The following ARHGAP32 variants were observed in gnomAD, a reference collection of about 807,000 sequenced individuals.
ARHGAP32 encodes rho GTPase-activating protein 32.
A neutral mutation model predicts 186.5 loss-of-function variants in ARHGAP32; 51 were observed. The ratio of observed to expected loss-of-function variants is 0.27; its 90% CI spans 0.22 to 0.35. ARHGAP32 has a LOEUF of 0.35. ARHGAP32 is among the 10% of genes least tolerant of loss of function. The pLI is 1.00. For synonymous variants in ARHGAP32, 950 were observed against 964.3 expected (o/e 0.99, Z 0.27); for missense variants, 2,186 against 2,623.5 (o/e 0.83, Z 3.64).
chr11:129,193,396 C>T (rs1944305875), upstream of ARHGAP32, among the ~76,000 whole-genome samples: 1 of 122,142 alleles, frequency 8.2e-6, no homozygotes, highest in South Asian at 2.8e-4. Flanking sequence ...GTGGGAGGAT[C>T]GCCTGAGCCT....
chr11:129,110,985 G>C (rs947029868), intron 5 of ARHGAP32, among the ~76,000 whole-genome samples: 4 of 152,086 alleles, frequency 2.6e-5, no homozygotes, highest in Admixed American at 2.0e-4. Flanking sequence ...TGGAAAAGTT[G>C]GCATCCTTGT....
At position 129,215,298 on chromosome 11, in the gene ARHGAP32, G is replaced by A. The variant is rs147089046; in HGVS notation, c.-4-50871C>T. Among the ~76,000 whole-genome samples, 322 of 152,212 alleles carry A rather than the reference G, an allele frequency of 2.1e-3. 2 individuals carry two copies. Among genetic ancestry groups the A allele is most frequent in the African/African-American group, 7.0e-3 (290 of 41,522 alleles). ...CAGTTCCTTTCCTCATAAGGTAATT[G>A]TCAGAACTAAATGAGTTCATGTATG... is the stretch of plus-strand genomic sequence containing the variant. On this transcript the variant is annotated intron_variant, in intron 1 of 6. Coordinates refer to the ARHGAP32 transcript ENST00000525234.
chr11:129,243,572 T>C (rs1172904773), intron 1 of ARHGAP32, among the ~76,000 whole-genome samples: 2 of 152,158 alleles, frequency 1.3e-5, no homozygotes, highest in South Asian at 2.1e-4. Flanking sequence ...ATAGTTCTCA[T>C]CAAGTCACAA....
At chr11:128,997,600 A>G (rs1398090895) in intron 12 of ARHGAP32, among the ~76,000 whole-genome samples, 1 of 152,160 alleles carries the variant, frequency 6.6e-6, no homozygotes, top group Non-Finnish European at 1.5e-5. Context: ...CTATTTTTAA[A>G]TATAAAAGGA....
chr11:129,252,761 G>C (rs1425147545), intron 1 of ARHGAP32, among the ~76,000 whole-genome samples: 1 of 152,176 alleles, frequency 6.6e-6, no homozygotes, highest in African/African-American at 2.4e-5. Context: ...GTCTCGGGGA[G>C]GCTACCTCCT....
At chr11:129,139,601 G>C (rs908702631) in intron 2 of ARHGAP32, among the ~76,000 whole-genome samples, 2 of 151,908 alleles carry the variant, frequency 1.3e-5, no homozygotes, top group Non-Finnish European at 2.9e-5. Flanking sequence ...TGCTGTTCTC[G>C]TTATAATGAG....
intron 11 of ARHGAP32, among the ~76,000 whole-genome samples, chr11:129,007,988 C>T (rs567394835): frequency 6.6e-6 from 1 of 152,258 alleles, no homozygotes; most frequent in African/African-American, 2.4e-5. Context: ...TTGCTTTCCA[C>T]TGTGACAGGG....
chr11:129,018,955 T>C (rs1170808434), intron 11 of ARHGAP32, among the ~76,000 whole-genome samples: 1 of 152,190 alleles, frequency 6.6e-6, no homozygotes, highest in East Asian at 1.9e-4. Flanking sequence ...ACTAATGATA[T>C]AAAAGTTCTT....
intron 5 of ARHGAP32, among the ~76,000 whole-genome samples, chr11:129,115,631 T>C (rs1178102141): frequency 6.6e-6 from 1 of 152,106 alleles, no homozygotes; most frequent in Admixed American, 6.6e-5. Flanking sequence ...CATATACTTG[T>C]CAGGAAACTG....
intron 11 of ARHGAP32, among the ~76,000 whole-genome samples, chr11:129,001,710 T>C (rs1362974347): frequency 6.6e-6 from 1 of 152,024 alleles, no homozygotes; most frequent in African/African-American, 2.4e-5. Flanking sequence ...TGGAGATTTT[T>C]CCCATTTTTT....
intron 2 of ARHGAP32, among the ~76,000 whole-genome samples, chr11:129,132,205 G>A (rs1402754715): frequency 1.3e-5 from 2 of 152,208 alleles, no homozygotes; most frequent in Admixed American, 6.5e-5. Flanking sequence ...CAGGCTGGGC[G>A]CAGTAGCTCA....
intron 1 of ARHGAP32, among the ~76,000 whole-genome samples, chr11:129,226,772 CT>C (rs1246345727): frequency 6.6e-6 from 1 of 152,014 alleles, no homozygotes; most frequent in African/African-American, 2.4e-5. Flanking sequence ...ACACAACACA[CT>C]ATATCCACCA....
At chr11:129,038,050 G>A (rs949386081) in intron 11 of ARHGAP32, among the ~76,000 whole-genome samples, 3 of 151,704 alleles carry the variant, frequency 2.0e-5, no homozygotes, top group South Asian at 2.1e-4. Context: ...GCAGTGAGCC[G>A]AGATCGCACC....
At chr11:129,265,195 G>C (rs894941605) in intron 1 of ARHGAP32, among the ~76,000 whole-genome samples, 1 of 152,184 alleles carries the variant, frequency 6.6e-6, no homozygotes, top group African/African-American at 2.4e-5. Flanking sequence ...GGCACAAGTA[G>C]TTCATGTCTC....
At chr11:129,251,827 G>A (rs1019103570) in intron 1 of ARHGAP32, among the ~76,000 whole-genome samples, 6 of 151,200 alleles carry the variant, frequency 4.0e-5, no homozygotes, top group African/African-American at 1.2e-4. Context: ...CCAGCTACTC[G>A]GGGAGGCTGA....
intron 15 of ARHGAP32, among the ~76,000 whole-genome samples, chr11:128,983,790 T>TA (rs1945784392): frequency 6.6e-6 from 1 of 152,118 alleles, no homozygotes; most frequent in Non-Finnish European, 1.5e-5. Flanking sequence ...ATTGCAAATT[T>TA]AAAAAACCAA....
upstream of ARHGAP32, among the ~76,000 whole-genome samples, chr11:129,195,284 A>T (rs1219566244): frequency 6.6e-6 from 1 of 151,908 alleles, no homozygotes; most frequent in Non-Finnish European, 1.5e-5. Flanking sequence ...CCGGCCTCAA[A>T]GCGTTTTCAT....
intron 22 of ARHGAP32, 103 bp from the exon 23 acceptor site, chr11:128,971,262 T>C (rs533968038): frequency 3.5e-5 from 35 of 1,002,782 alleles, no homozygotes; most frequent in Non-Finnish European, 4.6e-5. Flanking sequence ...GGGTAGCAGC[T>C]TGAACTTTCC....
intron 5 of ARHGAP32, among the ~76,000 whole-genome samples, chr11:129,120,564 T>A (rs1394400697): frequency 6.6e-6 from 1 of 152,104 alleles, no homozygotes; most frequent in Non-Finnish European, 1.5e-5. Flanking sequence ...AAATTGATCA[T>A]TGGAATTTCT....
Sources: allele counts gnomAD v4.1 joint callset (sites outside exome capture counted in the v4.1 genomes callset), GRCh38; gene constraint gnomAD v4.1.1; transcripts MANE v1.5; gene names NCBI Gene and HGNC (gene_info 2026-07-23, HGNC 2026-07-21).